ERC1: variants seen among roughly 807,000 people sequenced by gnomAD.
ERC1 encodes the protein ELKS/RAB6-interacting/CAST family member 1.
ERC1 carries 56 observed loss-of-function variants against 132.0 expected under a neutral mutation model. The observed-to-expected ratio is 0.42, with a 90% CI of 0.34 to 0.53. The LOEUF (loss-of-function observed/expected upper bound fraction) is 0.53. ERC1 is among the 20% of genes least tolerant of loss of function. ERC1 has a pLI of 0.03. For missense variants in ERC1, 1,202 were observed against 1,349.9 expected (o/e 0.89, Z 1.72); for synonymous variants, 478 against 476.1 (o/e 1.00, Z -0.05).
intron 15 of ERC1, among the ~76,000 whole-genome samples, chr12:1,335,911 T>C (rs139451681): frequency 6.7e-4 from 101 of 151,858 alleles, no homozygotes; most frequent in East Asian, 1.7e-3. Context: ...GGTTGGTTGG[T>C]TGGCTATTTG....
At position 1,061,631 on chromosome 12, in the gene ERC1, A is replaced by G. The variant is rs1251774698; in HGVS notation, c.670-21533A>G. Reference sequence around the variant, plus strand: ...AACAGCAGCAACAACAACAAGAACAATCCCCAAAACAAGTTCTTGTTTCAT... The same window carrying G: ...AACAGCAGCAACAACAACAAGAACAGTCCCCAAAACAAGTTCTTGTTTCAT... On this transcript the variant is annotated intron_variant, in intron 2 of 18. Transcript: ENST00000360905. 2.6e-5 allele frequency among the ~76,000 whole-genome samples: 4 copies of G among 151,984 alleles called. No homozygotes were observed. In the East Asian group the frequency reaches 7.7e-4, roughly 29 times the overall value.
At chr12:1,456,212 C>A (rs1376598541) in intron 18 of ERC1, among the ~76,000 whole-genome samples, 1 of 152,168 alleles carries the variant, frequency 6.6e-6, no homozygotes, top group East Asian at 1.9e-4. Context: ...GTCAAAGTAT[C>A]CTAATTTGAA....
intron 1 of ERC1, among the ~76,000 whole-genome samples, chr12:1,009,989 C>G (rs1007056985): frequency 6.6e-6 from 1 of 152,142 alleles, no homozygotes; most frequent in Admixed American, 6.6e-5. Flanking sequence ...TCAGGAACCA[C>G]TGAATTCTGC....
intron 15 of ERC1, among the ~76,000 whole-genome samples, chr12:1,364,213 T>C (rs2086442061): frequency 6.6e-6 from 1 of 152,234 alleles, no homozygotes; most frequent in Non-Finnish European, 1.5e-5. Flanking sequence ...CTTTAGGAAC[T>C]GTTTTTGTAA....
At chr12:1,289,084 T>TACAC (rs57334239) in intron 14 of ERC1, among the ~76,000 whole-genome samples, 1,674 of 102,842 alleles carry the variant, frequency 0.016, 33 homozygotes, top group East Asian at 0.11. Flanking sequence ...ATCTGGTATG[T>TACAC]ACACACACAC....
chr12:1,273,785 A>G (rs1467392226), intron 14 of ERC1, among the ~76,000 whole-genome samples: 2 of 152,226 alleles, frequency 1.3e-5, no homozygotes, highest in East Asian at 3.8e-4. Flanking sequence ...ACAGATAGAT[A>G]CATGGATATC....
intron 16 of ERC1, among the ~76,000 whole-genome samples, chr12:1,403,159 G>A (rs973278496): frequency 3.3e-5 from 5 of 152,194 alleles, no homozygotes; most frequent in Non-Finnish European, 1.5e-5. Context: ...GATATACATT[G>A]ATAGCAAAGA....
intron 4 of ERC1, 151 bp from the exon 5 acceptor site, chr12:1,110,041 A>T: frequency 1.6e-6 from 1 of 630,162 alleles, no homozygotes; most frequent in East Asian, 3.1e-5. Context: ...ACTCTGTCTC[A>T]AAAAAAGGAA....
chr12:1,017,331 G>A (rs535709453), intron 1 of ERC1, among the ~76,000 whole-genome samples: 1 of 152,128 alleles, frequency 6.6e-6, no homozygotes, highest in East Asian at 1.9e-4. Context: ...GACAGGCTTT[G>A]TGATGTGAAT....
chr12:1,226,640 A>G (rs1011910618), intron 12 of ERC1, among the ~76,000 whole-genome samples: 2 of 152,010 alleles, frequency 1.3e-5, no homozygotes, highest in African/African-American at 4.8e-5. Context: ...TGTGAATTTG[A>G]TGTTTTTAGG....
chr12:1,219,622 C>T (rs1358584139), intron 12 of ERC1, among the ~76,000 whole-genome samples: 1 of 148,784 alleles, frequency 6.7e-6, no homozygotes, highest in African/African-American at 2.5e-5. Flanking sequence ...CTGTAGCAAT[C>T]AGACTGAACT....
intron 2 of ERC1, among the ~76,000 whole-genome samples, chr12:1,050,996 T>C (rs1971856004): frequency 6.6e-6 from 1 of 151,352 alleles, no homozygotes; most frequent in Non-Finnish European, 1.5e-5. Context: ...AGAGTGAGAC[T>C]CAGTCTCAAA....
At chr12:1,441,064 T>A (rs370430524) in intron 17 of ERC1, among the ~76,000 whole-genome samples, 1,597 of 131,272 alleles carry the variant, frequency 0.012, 32 homozygotes, top group African/African-American at 0.043. Context: ...TGTTTGAAAA[T>A]TTTTTTTTTT....
In ERC1 at chr12:1,362,242, T is replaced by C. The variant is rs547057765; in HGVS notation, c.2781-9591T>C. Among the ~76,000 whole-genome samples, 4 of 152,330 alleles carry C rather than the reference T, an allele frequency of 2.6e-5. No homozygotes were observed. The East Asian group carries it at 7.7e-4, about 29-fold the overall frequency. ...TCTGACAGCACTGAAGCTGTGGTTG[T>C]GTATTTTTAACTACACTTAATGAAA... On this transcript the variant is annotated intron_variant, in intron 15 of 18. Transcript: ENST00000360905.
chr12:1,270,165 A>G (rs1260574033), intron 14 of ERC1, among the ~76,000 whole-genome samples: 7 of 152,180 alleles, frequency 4.6e-5, no homozygotes, highest in Admixed American at 4.6e-4. Flanking sequence ...TAGTGCTTAC[A>G]TCTATAGAAG....
chr12:1,148,619 T>G (rs1327702348), intron 8 of ERC1, among the ~76,000 whole-genome samples: 4 of 152,198 alleles, frequency 2.6e-5, no homozygotes, highest in Non-Finnish European at 5.9e-5. Context: ...AATTATTTTT[T>G]GAGACTGAGT....
intron 17 of ERC1, among the ~76,000 whole-genome samples, chr12:1,433,116 A>T (rs2092845801): frequency 6.6e-6 from 1 of 152,202 alleles, no homozygotes; most frequent in Non-Finnish European, 1.5e-5. Flanking sequence ...TTGCCAAAGA[A>T]ATGTTTAGGT....
chr12:1,440,405 AC>A (rs1200571227), intron 17 of ERC1, among the ~76,000 whole-genome samples: 7 of 149,234 alleles, frequency 4.7e-5, no homozygotes, highest in African/African-American at 1.2e-4. Context: ...ACGGGGTTTC[AC>A]CGTGTTAGCC....
intron 12 of ERC1, among the ~76,000 whole-genome samples, chr12:1,192,750 C>G (rs1955860856): frequency 6.6e-6 from 1 of 152,144 alleles, no homozygotes; most frequent in South Asian, 2.1e-4. Context: ...GCTACTGCTG[C>G]TTTTGCTACT....
Sources: gnomAD v4.1 joint callset for allele counts (sites outside exome capture counted in the v4.1 genomes callset) on GRCh38, gnomAD v4.1.1 for gene constraint, MANE v1.5 for transcripts, NCBI Gene and HGNC (gene_info 2026-07-23, HGNC 2026-07-21) for gene names.